Variants in NEGR1 observed in about 807,000 individuals in gnomAD.
The protein encoded by NEGR1 is neuronal growth regulator 1.
Under a neutral mutation model 40.9 loss-of-function variants are expected in NEGR1, and 10 were observed. The observed-to-expected ratio is 0.24, with a 90% confidence interval of 0.15 to 0.42. The LOEUF (loss-of-function observed/expected upper bound fraction) is 0.42. Ranked by LOEUF, NEGR1 falls within the 10% of genes least tolerant of loss-of-function variation. NEGR1 has a pLI of 1.00. For synonymous variants in NEGR1, 185 were observed against 166.8 expected, an observed-to-expected ratio of 1.11 and a Z score of -0.84; for missense variants, 352 against 438.9, an observed-to-expected ratio of 0.80 and a Z score of 1.77.
At chr1:71,780,547 T>A (rs1656680786) in intron 2 of NEGR1, among the ~76,000 whole-genome samples, 2 of 152,200 alleles carry the variant, frequency 1.3e-5, no homozygotes, top group South Asian at 4.1e-4. Context: ...CACTGGAAGC[T>A]TTCTAAGCAA....
intron 1 of NEGR1, among the ~76,000 whole-genome samples, chr1:72,043,669 A>G (rs1425726105): frequency 6.6e-6 from 1 of 151,926 alleles, no homozygotes; most frequent in East Asian, 1.9e-4. Context: ...ATATTGTCAT[A>G]TGTCTGAAAT....
chr1:71,793,722 G>C (rs1052595284), intron 2 of NEGR1, among the ~76,000 whole-genome samples: 3 of 151,966 alleles, frequency 2.0e-5, no homozygotes, highest in Non-Finnish European at 4.4e-5. Flanking sequence ...GCCTAAGCAA[G>C]TGTTCTTATG....
At chr1:72,189,343 A>G (rs1405632545) in intron 1 of NEGR1, among the ~76,000 whole-genome samples, 1 of 151,488 alleles carries the variant, frequency 6.6e-6, no homozygotes, top group African/African-American at 2.4e-5. Flanking sequence ...CACTTCTTCA[A>G]GTTTACTCAT....
chr1:71,534,689 A>G (rs1160809777), intron 6 of NEGR1, among the ~76,000 whole-genome samples: 4 of 151,684 alleles, frequency 2.6e-5, no homozygotes, highest in Non-Finnish European at 5.9e-5. Context: ...TCCATTTTCC[A>G]TTTGCAAGGA....
At chr1:71,725,032 C>A (rs1176144133) in intron 3 of NEGR1, among the ~76,000 whole-genome samples, 1 of 152,036 alleles carries the variant, frequency 6.6e-6, no homozygotes, top group African/African-American at 2.4e-5. Context: ...AATCATCAAC[C>A]TTCATTGCCT....
intron 2 of NEGR1, among the ~76,000 whole-genome samples, chr1:71,788,779 C>A (rs1485292698): frequency 6.6e-6 from 1 of 151,790 alleles, no homozygotes; most frequent in African/African-American, 2.4e-5. Context: ...AGGCTACTCT[C>A]AAAAGATCTC....
At chr1:72,141,633 A>G (rs1650682064) in intron 1 of NEGR1, among the ~76,000 whole-genome samples, 1 of 152,016 alleles carries the variant, frequency 6.6e-6, no homozygotes, top group South Asian at 2.1e-4. Flanking sequence ...TGATTAAGGC[A>G]ATGTATTTCT....
intron 1 of NEGR1, among the ~76,000 whole-genome samples, chr1:72,266,056 T>A (rs959673493): frequency 2.6e-5 from 4 of 150,968 alleles, no homozygotes; most frequent in Non-Finnish European, 6.0e-5. Flanking sequence ...TTTGTGAGAA[T>A]ATTTCCCATC....
At chr1:72,056,735 CT>C (rs1647113906) in intron 1 of NEGR1, among the ~76,000 whole-genome samples, 1 of 151,342 alleles carries the variant, frequency 6.6e-6, no homozygotes. Context: ...GAATTAGTTC[CT>C]TTTCATTACA....
chr1:71,621,196 A>G (rs747559764), intron 4 of NEGR1, among the ~76,000 whole-genome samples: 4 of 151,974 alleles, frequency 2.6e-5, no homozygotes, highest in Non-Finnish European at 5.9e-5. Flanking sequence ...CTGGATGAGT[A>G]TATCACATTT....
chr1:71,554,484 CT>C (rs1648187639), intron 6 of NEGR1, among the ~76,000 whole-genome samples: 1 of 151,316 alleles, frequency 6.6e-6, no homozygotes, highest in African/African-American at 2.4e-5. Flanking sequence ...TAGAGAATTT[CT>C]GTATTAAGGA....
At chr1:71,677,551 T>C (rs1410965657) in intron 4 of NEGR1, among the ~76,000 whole-genome samples, 1 of 152,142 alleles carries the variant, frequency 6.6e-6, no homozygotes, top group Non-Finnish European at 1.5e-5. Flanking sequence ...CTTAATATAA[T>C]TTAAAAAGAT....
At chr1:72,280,244 T>C (rs1452995336) in intron 1 of NEGR1, among the ~76,000 whole-genome samples, 1 of 152,062 alleles carries the variant, frequency 6.6e-6, no homozygotes, top group Non-Finnish European at 1.5e-5. Context: ...TAAACATGGG[T>C]CTCCTGGAAG....
At chr1:71,900,129 A>G (rs1661104828) in intron 2 of NEGR1, among the ~76,000 whole-genome samples, 1 of 152,150 alleles carries the variant, frequency 6.6e-6, no homozygotes, top group South Asian at 2.1e-4. Context: ...GGAAGGTCCT[A>G]TGTAGTTTAT....
chr1:71,739,834 A>G (rs1359052380), intron 3 of NEGR1, among the ~76,000 whole-genome samples: 2 of 152,140 alleles, frequency 1.3e-5, no homozygotes, highest in Non-Finnish European at 2.9e-5. Flanking sequence ...GTCTCTACTT[A>G]GATTATTAAT....
intron 3 of NEGR1, among the ~76,000 whole-genome samples, chr1:71,720,353 A>G (rs567641009): frequency 4.6e-4 from 70 of 152,284 alleles, no homozygotes; most frequent in African/African-American, 1.5e-3. Context: ...CTGTGTCTAT[A>G]TAGCTAAGTT....
At chr1:71,620,238 A>G (rs1650568682) in intron 4 of NEGR1, among the ~76,000 whole-genome samples, 1 of 151,988 alleles carries the variant, frequency 6.6e-6, no homozygotes, top group South Asian at 2.1e-4. Context: ...GCATTAGTGA[A>G]TTTAGAGTCT....
At chr1:71,806,208 T>C (rs1189122958) in intron 2 of NEGR1, among the ~76,000 whole-genome samples, 1 of 151,994 alleles carries the variant, frequency 6.6e-6, no homozygotes, top group Non-Finnish European at 1.5e-5. Context: ...GCCAAGAAGA[T>C]ATATTAAAGT....
chr1:72,161,580 A>C (rs2100375238), intron 1 of NEGR1, among the ~76,000 whole-genome samples: 1 of 151,030 alleles, frequency 6.6e-6, no homozygotes, highest in East Asian at 2.0e-4. Flanking sequence ...ATGTTGTGAA[A>C]CCCTACCCTA....
Sources: gnomAD v4.1 joint callset for allele counts (sites outside exome capture counted in the v4.1 genomes callset) on GRCh38, gnomAD v4.1.1 for gene constraint, MANE v1.5 for transcripts, NCBI Gene and HGNC (gene_info 2026-07-23, HGNC 2026-07-21) for gene names.